DNA2: variants seen among roughly 807,000 people sequenced by gnomAD.
DNA2 encodes the protein DNA replication ATP-dependent helicase/nuclease DNA2.
DNA2 carries 101 observed loss-of-function variants against 119.1 expected under a neutral mutation model. That is an observed-to-expected ratio of 0.85 (90% CI 0.72 to 1.00). The LOEUF (loss-of-function observed/expected upper bound fraction) is 1.00, where lower values mean the gene tolerates loss of function less well. Among genes scored for constraint, DNA2 ranks in the 50% least tolerant of loss-of-function variants. The pLI, the probability that DNA2 is intolerant of heterozygous loss-of-function variation, is 0.00. For synonymous variants in DNA2, 366 were observed against 424.4 expected (o/e 0.86, Z 1.69); for missense variants, 1,121 against 1,255.5 (o/e 0.89, Z 1.62).
chr10:68,420,596 T>C (rs1022686419), intron 17 of DNA2, among the ~76,000 whole-genome samples: 8 of 152,058 alleles, frequency 5.3e-5, no homozygotes, highest in Admixed American at 6.6e-5. Context: ...CATTTTCTTG[T>C]CCCCTTTTAT....
At chr10:68,461,249 T>C (rs956931770) in intron 4 of DNA2, among the ~76,000 whole-genome samples, 2 of 152,248 alleles carry the variant, frequency 1.3e-5, no homozygotes, top group Non-Finnish European at 2.9e-5. Context: ...ACAATATGAA[T>C]ACATTTTTTA....
At chr10:68,452,425 G>T (rs2052131233) in intron 5 of DNA2, among the ~76,000 whole-genome samples, 1 of 152,058 alleles carries the variant, frequency 6.6e-6, no homozygotes, top group South Asian at 2.1e-4. Flanking sequence ...TGTTCACGGT[G>T]TGTATTCAGA....
chr10:68,437,289 TAAGTATTG>T (rs2051902623), intron 9 of DNA2, 48 bp from the exon 10 acceptor site: 23 of 1,437,498 alleles, frequency 1.6e-5, no homozygotes, highest in Non-Finnish European at 2.2e-5. Flanking sequence ...ATTACATACG[TAAGTATTG>T]TGTCTGCATT....
chr10:68,423,293 A>C (rs2051691453), intron 14 of DNA2, among the ~76,000 whole-genome samples: 1 of 151,982 alleles, frequency 6.6e-6, no homozygotes, highest in Non-Finnish European at 1.5e-5. Flanking sequence ...ATATAAAAAA[A>C]AAAAACAAAA....
intron 9 of DNA2, among the ~76,000 whole-genome samples, chr10:68,440,576 C>T (rs1378689716): frequency 1.3e-5 from 2 of 151,666 alleles, no homozygotes; most frequent in Admixed American, 1.3e-4. Flanking sequence ...GGATTACAGG[C>T]GTGAGCCACC....
chr10:68,431,555 G>T (rs1322479896), intron 13 of DNA2, among the ~76,000 whole-genome samples: 1 of 152,210 alleles, frequency 6.6e-6, no homozygotes, highest in African/African-American at 2.4e-5. Flanking sequence ...AAAGTGCTGG[G>T]ATTACAGGCG....
At chr10:68,453,653 A>C (rs2052148016) in intron 5 of DNA2, among the ~76,000 whole-genome samples, 1 of 152,174 alleles carries the variant, frequency 6.6e-6, no homozygotes, top group Non-Finnish European at 1.5e-5. Context: ...TACCTTTTCT[A>C]TATTTCAATA....
At position 68,422,304 on chromosome 10, in the gene DNA2, T is replaced by C. The variant is rs200309792; in HGVS notation, c.2618A>G (p.Tyr873Cys). ...FKDVKLELEF[Y>C]ADYSDNPWLM... ...CCAAGGATTATCAGAATAGTCAGCA[T>C]AAAATTCCAGTTCCAGCTTCACATC... The change falls in exon 17 of 21, where the codon TAT (tyrosine) becomes TGT (cysteine). Residue 873 changes from tyrosine (Y) to cysteine (C), a missense_variant. By Grantham distance (194) the Tyr-to-Cys change is radical. Coordinates refer to ENST00000358410, the MANE Select transcript of DNA2 (RefSeq NM_001080449.3). 147 of 1,613,940 alleles carry C rather than the reference T, an allele frequency of 9.1e-5. 2 individuals carry two copies. In the East Asian group the frequency reaches 1.6e-3, roughly 18 times the overall value.
At chr10:68,431,806 C>T in intron 13 of DNA2, 56 bp downstream of exon 13, 1 of 1,199,806 alleles carries the variant, frequency 8.3e-7, no homozygotes, top group African/African-American at 1.5e-5. Flanking sequence ...ATCCTCTGAA[C>T]TGAGGAGAAG....
intron 19 of DNA2, among the ~76,000 whole-genome samples, chr10:68,418,669 ATTTTTTTTT>A (rs34507769): frequency 8.8e-6 from 1 of 113,846 alleles, no homozygotes; most frequent in Non-Finnish European, 1.8e-5. Context: ...TTAAACCGCA[ATTTTTTTTT>A]TTTTTTTTTT....
intron 6 of DNA2, among the ~76,000 whole-genome samples, chr10:68,449,048 C>G (rs2052083697): frequency 6.6e-6 from 1 of 151,534 alleles, no homozygotes; most frequent in African/African-American, 2.4e-5. Context: ...ATCCACCCAC[C>G]TCGGCCTCCC....
intron 5 of DNA2, among the ~76,000 whole-genome samples, chr10:68,452,684 G>A (rs935688441): frequency 3.4e-5 from 5 of 147,618 alleles, no homozygotes; most frequent in South Asian, 2.1e-4. Flanking sequence ...AGATCCTCCC[G>A]CCTCAGCCTT....
Position 68,430,486 on chromosome 10 carries a change from A to C in DNA2, c.2158T>G (p.Ser720Ala). ...QQFTEQEICR[S>A]KSIKSLALLE... ...AGAGCTAAGGATTTAATGGACTTTGATCTGCAAATTTCTTGCTCTGTAAAT... is the reference window on the plus strand; with the variant it reads ...AGAGCTAAGGATTTAATGGACTTTGCTCTGCAAATTTCTTGCTCTGTAAAT... Residue 720 changes from serine to alanine, a missense_variant, in exon 14 of 21, where the codon TCA becomes GCA. Transcript: ENST00000358410. The C allele has an allele frequency of 6.2e-7, 1 of 1,611,774 alleles. No individual in the cohort carries two copies.
chr10:68,426,572 A>C (rs537623367), intron 14 of DNA2, among the ~76,000 whole-genome samples: 8 of 150,846 alleles, frequency 5.3e-5, no homozygotes, highest in African/African-American at 2.0e-4. Context: ...GTGGTGGCTC[A>C]CACCTGTAAT....
chr10:68,465,259 C>T (rs1467769651), intron 4 of DNA2, among the ~76,000 whole-genome samples: 2 of 151,916 alleles, frequency 1.3e-5, no homozygotes, highest in Non-Finnish European at 2.9e-5. Context: ...ACTTCTGATC[C>T]GCCCACCTCG....
At chr10:68,435,206 A>C (rs2051872204) in intron 10 of DNA2, among the ~76,000 whole-genome samples, 1 of 151,220 alleles carries the variant, frequency 6.6e-6, no homozygotes, top group African/African-American at 2.4e-5. Flanking sequence ...GACATGCACC[A>C]CCTCCTAATT....
intron 4 of DNA2, among the ~76,000 whole-genome samples, chr10:68,460,876 C>T (rs1321875516): frequency 2.6e-5 from 4 of 151,216 alleles, no homozygotes; most frequent in Non-Finnish European, 4.4e-5. Flanking sequence ...CACCACTGTA[C>T]TCCAGCCTGG....
At chr10:68,426,918 T>C (rs1323843446) in intron 14 of DNA2, among the ~76,000 whole-genome samples, 2 of 152,174 alleles carry the variant, frequency 1.3e-5, no homozygotes, top group Non-Finnish European at 2.9e-5. Context: ...AAGCAAGCGA[T>C]AGAGTGGGAG....
rs1265559843 is a variant in DNA2, at chr10:68,442,991, C to T, written c.1341G>A (p.Met447Ile). ...HLEYFSLWCL[M>I]LTLESQSKDN... ...CCTTCGATTGTGACTCCAGGGTTAA[C>T]ATTAGACACCAAAGGCTGAAATATT... The change falls in exon 9 of 21, where the codon ATG becomes ATA. Residue 447 changes from methionine (M) to isoleucine (I), a missense_variant. Met to Ile is a conservative substitution (Grantham distance 10). Transcript: ENST00000358410. 1 of 1,612,460 alleles carries T rather than the reference C, an allele frequency of 6.2e-7. No homozygotes were observed. The highest frequency in any genetic ancestry group is 8.5e-7 in the Non-Finnish European group (1 of 1,179,222).
Sources: gnomAD v4.1 joint callset for allele counts (sites outside exome capture counted in the v4.1 genomes callset) on GRCh38, gnomAD v4.1.1 for gene constraint, MANE v1.5 for transcripts, NCBI Gene and HGNC (gene_info 2026-07-23, HGNC 2026-07-21) for gene names.